The following PREX1 variants were observed in gnomAD, a reference collection of about 807,000 sequenced individuals.
PREX1 encodes phosphatidylinositol-3,4,5-trisphosphate dependent Rac exchange factor 1.
Under a neutral mutation model 198.3 loss-of-function variants are expected in PREX1, and 41 were observed. That is an observed-to-expected ratio of 0.21 (90% CI 0.16 to 0.27). PREX1 has a LOEUF of 0.27. Ranked by LOEUF, PREX1 falls within the 10% of genes least tolerant of loss-of-function variation. PREX1 has a pLI of 1.00. For synonymous variants in PREX1, 843 were observed against 887.2 expected (o/e 0.95, Z 0.89); for missense variants, 1,620 against 2,200.7 (o/e 0.74, Z 5.28).
At chr20:48,725,607 G>A (rs1320826098) in intron 5 of PREX1, among the ~76,000 whole-genome samples, 1 of 152,262 alleles carries the variant, frequency 6.6e-6, no homozygotes, top group African/African-American at 2.4e-5. Flanking sequence ...TGGTCACGTG[G>A]GGTTCATCTG....
the PREX1 span, among the ~76,000 whole-genome samples, chr20:48,839,461 T>C: frequency 1.3e-5 from 2 of 152,252 alleles, no homozygotes; most frequent in African/African-American, 4.8e-5. Context: ...CATAGTGTTT[T>C]ATCTGTGTTT....
the PREX1 span, among the ~76,000 whole-genome samples, chr20:48,878,601 G>C: frequency 6.6e-6 from 1 of 152,152 alleles, no homozygotes; most frequent in African/African-American, 2.4e-5. Flanking sequence ...GCCTCCCAAA[G>C]TGCTGGGATT....
intron 15 of PREX1, among the ~76,000 whole-genome samples, chr20:48,660,442 G>C (rs1025296530): frequency 6.6e-6 from 1 of 152,208 alleles, no homozygotes; most frequent in African/African-American, 2.4e-5. Context: ...TATGATCATA[G>C]AGTATTCTGC....
upstream of PREX1, among the ~76,000 whole-genome samples, chr20:48,828,430 A>G (rs928852360): frequency 2.6e-5 from 4 of 152,126 alleles, no homozygotes; most frequent in Admixed American, 2.6e-4. Context: ...GGGCCAAGTA[A>G]ACACCGGGCT....
chr20:48,781,077 T>A (rs1282836844), intron 1 of PREX1, among the ~76,000 whole-genome samples: 1 of 152,086 alleles, frequency 6.6e-6, no homozygotes. Flanking sequence ...GTCAAGGTCA[T>A]GAAAGGCAAA....
chr20:48,691,377 A>G lies in PREX1; in HGVS notation c.1037-281T>C, dbSNP rs2123046234. Among the ~76,000 whole-genome samples, 1 of 152,288 alleles carries G rather than the reference A, an allele frequency of 6.6e-6. No individual in the cohort carries two copies. Among genetic ancestry groups the G allele is most frequent in the South Asian group, 2.1e-4 (1 of 4,828 alleles). ...ACACAGCAGTGACTCATGGGGAGAC[A>G]CTTGCTTGGAGCCCCAAAATGCTTC... On this transcript the variant is annotated intron_variant, in intron 8 of 39. Transcript: ENST00000371941. The surrounding 1 kb of genome is among the most constrained non-coding windows in gnomAD (Gnocchi z 5.0).
At chr20:48,798,316 G>C (rs193294133) in intron 1 of PREX1, among the ~76,000 whole-genome samples, 56 of 152,184 alleles carry the variant, frequency 3.7e-4, no homozygotes, top group African/African-American at 1.3e-3. Context: ...ATCCCTCACT[G>C]GACACTGAGG....
intron 2 of PREX1, among the ~76,000 whole-genome samples, chr20:48,746,979 CA>C (rs2090110947): frequency 2.7e-5 from 4 of 148,340 alleles, no homozygotes; most frequent in East Asian, 4.0e-4. Context: ...CACACACACA[CA>C]CACACACACA....
chr20:48,810,556 T>C (rs1329755567), intron 1 of PREX1, among the ~76,000 whole-genome samples: 2 of 141,278 alleles, frequency 1.4e-5, no homozygotes, highest in Non-Finnish European at 1.5e-5. Flanking sequence ...CACTCCAGCC[T>C]GGGCAGCAAG....
chr20:48,632,470 C>T, intron 34 of PREX1, 26 bp downstream of exon 34: 3 of 1,613,712 alleles, frequency 1.9e-6, no homozygotes. Context: ...CCCCGTGGTC[C>T]TCCCTGCCCC....
At chr20:48,882,529 G>GAGAGAATCTT in the PREX1 span, among the ~76,000 whole-genome samples, 10 of 117,302 alleles carry the variant, frequency 8.5e-5, no homozygotes, top group African/African-American at 3.0e-4. Flanking sequence ...AAAAAAAAGA[G>GAGAGAATCTT]AGAATCTTCA....
At chr20:48,804,144 G>A (rs540309700) in intron 1 of PREX1, among the ~76,000 whole-genome samples, 109 of 152,338 alleles carry the variant, frequency 7.2e-4, no homozygotes, top group Non-Finnish European at 7.3e-5. Flanking sequence ...ACGTGACAAC[G>A]ACTGGATAGC....
At chr20:48,740,861 A>G (rs963023948) in intron 3 of PREX1, among the ~76,000 whole-genome samples, 1 of 152,222 alleles carries the variant, frequency 6.6e-6, no homozygotes, top group Non-Finnish European at 1.5e-5. Flanking sequence ...AGTAGTTAAG[A>G]GTTTCTAGAT....
rs765300658 is a variant in PREX1, at chr20:48,747,770, C to T, written c.291+39G>A. On this transcript the variant is annotated intron_variant, in intron 2 of 39. Transcript: ENST00000371941. ...GGGAAGAGCAAGGCACAAAGCAACA[C>T]AGATGCTCTAGAACAGGGGCCAGCC... 22 of 1,571,424 alleles carry T rather than the reference C, an allele frequency of 1.4e-5. No homozygotes were observed. The Admixed American group carries it at 2.7e-4, about 19-fold the overall frequency.
intron 4 of PREX1, among the ~76,000 whole-genome samples, chr20:48,726,665 A>C (rs923382873): frequency 6.6e-6 from 1 of 152,230 alleles, no homozygotes; most frequent in Admixed American, 6.5e-5. Flanking sequence ...GGCAGAGCTG[A>C]GTTGTTGGGG....
the PREX1 span, among the ~76,000 whole-genome samples, chr20:48,862,336 C>A: frequency 6.6e-6 from 1 of 152,172 alleles, no homozygotes; most frequent in Non-Finnish European, 1.5e-5. Context: ...CTCCTCCTCA[C>A]CATAATTTGA....
In PREX1 at chr20:48,684,650, A is replaced by G. The variant is rs980457904; in HGVS notation, c.1335-3315T>C. Among the ~76,000 whole-genome samples, 6 of 152,138 alleles carry G rather than the reference A, an allele frequency of 3.9e-5. No homozygotes were observed. The highest frequency in any genetic ancestry group is 1.4e-4 in the African/African-American group (6 of 41,438). Reference sequence around the variant, plus strand: ...GGTAACCCTGAGCTCCGACAGCTCCACCAATGCCCTCGATCTGGATCCTCA... The same window carrying G: ...GGTAACCCTGAGCTCCGACAGCTCCGCCAATGCCCTCGATCTGGATCCTCA... On this transcript the variant is annotated intron_variant, in intron 10 of 39. Coordinates refer to ENST00000371941, the MANE Select transcript of PREX1 (RefSeq NM_020820.4). The surrounding 1 kb of genome is among the most constrained non-coding windows in gnomAD (Gnocchi z 4.2).
At chr20:48,738,213 G>A (rs929484445) in intron 3 of PREX1, among the ~76,000 whole-genome samples, 1 of 152,122 alleles carries the variant, frequency 6.6e-6, no homozygotes, top group Non-Finnish European at 1.5e-5. Context: ...GAGGATTCTG[G>A]GGCCCCACAG....
In PREX1 at chr20:48,662,931, C is replaced by T. The variant is rs187488021; in HGVS notation, c.1739-2870G>A. Among the ~76,000 whole-genome samples the T allele has an allele frequency of 1.7e-3, 260 of 152,272 alleles. 1 individual carries two copies. The highest frequency in any genetic ancestry group is 5.5e-3 in the African/African-American group (230 of 41,564). On this transcript the variant is annotated intron_variant, in intron 15 of 39. Transcript: ENST00000371941. ...AGCAGCTGGGGAGGACCCCTAATTA[C>T]CCTCACCCACAAATGAGAGGTTGTG... is the stretch of plus-strand genomic sequence containing the variant.
Sources: gnomAD v4.1 joint callset for allele counts (sites outside exome capture counted in the v4.1 genomes callset) on GRCh38, gnomAD v4.1.1 for gene constraint, Gnocchi (gnomAD v3.1) non-coding constraint, MANE v1.5 for transcripts, NCBI Gene and HGNC (gene_info 2026-07-23, HGNC 2026-07-21) for gene names.